The following GRIA4 variants were observed in gnomAD, a reference collection of about 807,000 sequenced individuals.
GRIA4 encodes the protein glutamate receptor 4.
GRIA4 carries 34 observed loss-of-function variants against 104.0 expected under a neutral mutation model. That is an observed-to-expected ratio of 0.33 (90% CI 0.25 to 0.44). The LOEUF is 0.44. Among genes scored for constraint, GRIA4 ranks in the 20% least tolerant of loss-of-function variants. The pLI, the probability that GRIA4 is intolerant of heterozygous loss-of-function variation, is 1.00. For missense variants in GRIA4, 750 were observed against 1,096.5 expected (o/e 0.68, Z 4.46); for synonymous variants, 386 against 381.9 (o/e 1.01, Z -0.13).
chr11:105,897,587 T>C (rs1222010385), intron 6 of GRIA4, among the ~76,000 whole-genome samples: 1 of 152,178 alleles, frequency 6.6e-6, no homozygotes, highest in African/African-American at 2.4e-5. Flanking sequence ...GTTCTTTTGA[T>C]GCCTAGTTTG....
chr11:105,629,168 G>T (rs1014521367), intron 3 of GRIA4, among the ~76,000 whole-genome samples: 1 of 151,646 alleles, frequency 6.6e-6, no homozygotes, highest in Admixed American at 6.6e-5. Flanking sequence ...TTGAGCCCAG[G>T]AGTTGAAGGC....
chr11:105,768,737 A>G (rs1941070326), intron 4 of GRIA4, among the ~76,000 whole-genome samples: 1 of 152,072 alleles, frequency 6.6e-6, no homozygotes, highest in East Asian at 1.9e-4. Flanking sequence ...GATTAAACAA[A>G]TGTTCATAGA....
chr11:105,676,377 C>T (rs906887321), intron 3 of GRIA4, among the ~76,000 whole-genome samples: 9 of 151,662 alleles, frequency 5.9e-5, no homozygotes, highest in African/African-American at 1.9e-4. Context: ...AACAGAGGAA[C>T]AAACCAAATG....
intron 4 of GRIA4, among the ~76,000 whole-genome samples, chr11:105,836,419 G>A (rs1022565335): frequency 2.0e-5 from 3 of 152,180 alleles, no homozygotes; most frequent in South Asian, 2.1e-4. Flanking sequence ...ATCATGAAGC[G>A]ATACAGTAAT....
intron 14 of GRIA4, among the ~76,000 whole-genome samples, chr11:105,942,116 A>C (rs1213520032): frequency 6.6e-6 from 1 of 152,106 alleles, no homozygotes; most frequent in East Asian, 1.9e-4. Flanking sequence ...GAAACCGTGT[A>C]TCCAGAGTCC....
intron 3 of GRIA4, among the ~76,000 whole-genome samples, chr11:105,675,805 A>C (rs1952517136): frequency 6.6e-6 from 1 of 151,832 alleles, no homozygotes. Context: ...TTTGACAAAT[A>C]TGGGAATCTC....
At chr11:105,954,481 A>G (rs1438399829) in intron 14 of GRIA4, among the ~76,000 whole-genome samples, 1 of 152,174 alleles carries the variant, frequency 6.6e-6, no homozygotes, top group East Asian at 1.9e-4. Context: ...TAAGTTCATC[A>G]TCATCTTACA....
chr11:105,971,884 A>AT, intron 14 of GRIA4, 30 bp from the exon 15 acceptor site: 2 of 1,297,556 alleles, frequency 1.5e-6, no homozygotes, highest in Non-Finnish European at 2.2e-6. Context: ...TAACATATAT[A>AT]ATGTTATTTA....
At chr11:105,862,248 C>T in intron 5 of GRIA4, 40 bp downstream of exon 5, 1 of 1,187,594 alleles carries the variant, frequency 8.4e-7, no homozygotes, top group Non-Finnish European at 1.2e-6. Flanking sequence ...AGACCCTATA[C>T]AGAAAAATTT....
chr11:105,659,793 A>G (rs375731118), intron 3 of GRIA4, among the ~76,000 whole-genome samples: 1 of 151,898 alleles, frequency 6.6e-6, no homozygotes, highest in African/African-American at 2.4e-5. Flanking sequence ...GAAAGCCTGT[A>G]TCATAGGACT....
chr11:105,957,534 T>C (rs950731204), intron 14 of GRIA4, among the ~76,000 whole-genome samples: 2 of 152,206 alleles, frequency 1.3e-5, no homozygotes, highest in African/African-American at 4.8e-5. Context: ...TAGTTTGAAG[T>C]CAGGTAGTGT....
At chr11:105,691,836 G>C (rs1317652123) in intron 3 of GRIA4, among the ~76,000 whole-genome samples, 1 of 151,222 alleles carries the variant, frequency 6.6e-6, no homozygotes, top group Non-Finnish European at 1.5e-5. Flanking sequence ...TTGGGAGGCT[G>C]AGGCAGGAGA....
At chr11:105,833,961 C>G (rs1294089745) in intron 4 of GRIA4, among the ~76,000 whole-genome samples, 5 of 151,976 alleles carry the variant, frequency 3.3e-5, no homozygotes, top group Admixed American at 2.6e-4. Flanking sequence ...TTTTACTATG[C>G]CTTTCCATTC....
At chr11:105,617,055 T>A (rs112415309) in intron 3 of GRIA4, among the ~76,000 whole-genome samples, 1 of 150,506 alleles carries the variant, frequency 6.6e-6, no homozygotes, top group African/African-American at 2.4e-5. Flanking sequence ...TTTTTTTCAA[T>A]CTGGAAAGTG....
intron 4 of GRIA4, among the ~76,000 whole-genome samples, chr11:105,835,278 T>C (rs1161135843): frequency 6.6e-6 from 1 of 152,040 alleles, no homozygotes; most frequent in Non-Finnish European, 1.5e-5. Flanking sequence ...TTGCACAAAA[T>C]TTGACTTATA....
chr11:105,813,904 C>T (rs971318323), intron 4 of GRIA4, among the ~76,000 whole-genome samples: 4 of 151,994 alleles, frequency 2.6e-5, no homozygotes, highest in African/African-American at 7.3e-5. Flanking sequence ...AGAGAGTGGG[C>T]GGTTGCTTTA....
At chr11:105,800,730 C>A (rs1565246436) in intron 4 of GRIA4, among the ~76,000 whole-genome samples, 1 of 151,894 alleles carries the variant, frequency 6.6e-6, no homozygotes, top group Non-Finnish European at 1.5e-5. Flanking sequence ...TTTAGTTTTG[C>A]AGCATGCAAG....
chr11:105,929,940 T>C (rs1428309216), intron 13 of GRIA4, among the ~76,000 whole-genome samples: 1 of 152,280 alleles, frequency 6.6e-6, no homozygotes, highest in East Asian at 1.9e-4. Flanking sequence ...ACAATAAAGA[T>C]GAAATAAATC....
chr11:105,850,778 C>T (rs1281528375), intron 4 of GRIA4, among the ~76,000 whole-genome samples: 11 of 152,200 alleles, frequency 7.2e-5, no homozygotes, highest in Admixed American at 2.6e-4. Flanking sequence ...AGCAAGCATA[C>T]GCTCAATGTA....
Sources: allele counts gnomAD v4.1 joint callset (sites outside exome capture counted in the v4.1 genomes callset), GRCh38; gene constraint gnomAD v4.1.1; transcripts MANE v1.5; gene names NCBI Gene and HGNC (gene_info 2026-07-23, HGNC 2026-07-21).